Variants in DGKB observed in about 807,000 individuals in gnomAD.
The protein encoded by DGKB is 90 kDa diacylglycerol kinase.
A neutral mutation model predicts 114.3 loss-of-function variants in DGKB; 67 were observed. That is an observed-to-expected ratio of 0.59 (90% CI 0.48 to 0.72). The LOEUF (loss-of-function observed/expected upper bound fraction) is 0.72, where lower values mean the gene tolerates loss of function less well. DGKB is among the 30% of genes least tolerant of loss of function. DGKB has a pLI of 0.00. For synonymous variants in DGKB, 398 were observed against 323.1 expected, an observed-to-expected ratio of 1.23 and a Z score of -2.49; for missense variants, 907 against 975.2, an observed-to-expected ratio of 0.93 and a Z score of 0.93.
chr7:14,359,874 A>T (rs1815355132), intron 21 of DGKB, among the ~76,000 whole-genome samples: 1 of 152,174 alleles, frequency 6.6e-6, no homozygotes, highest in African/African-American at 2.4e-5. Context: ...TGGGAGTGTA[A>T]ATTAGTTCAA....
chr7:14,676,388 A>G (rs975850868), intron 12 of DGKB, among the ~76,000 whole-genome samples: 34 of 152,054 alleles, frequency 2.2e-4, no homozygotes, highest in African/African-American at 7.3e-4. Flanking sequence ...ACAGTCAGTA[A>G]TAATTTAATT....
intron 9 of DGKB, among the ~76,000 whole-genome samples, chr7:14,688,650 A>G (rs1194211603): frequency 6.6e-6 from 1 of 152,192 alleles, no homozygotes; most frequent in Non-Finnish European, 1.5e-5. Context: ...CGTGTTTATG[A>G]CAGATAAATG....
chr7:14,345,301 T>C lies in DGKB; in HGVS notation c.1926A>G (p.Glu642=). Residue 642 remains glutamate (E), a splice_region_variant and synonymous_variant, in exon 22 of 26, where the codon GAA becomes GAG. Coordinates refer to ENST00000402815, the MANE Select transcript of DGKB (RefSeq NM_001350709.2). ...AAAAGAGAATTCATTTTTTTCTTAC[T>C]TCTATTTCTACAGATTCATGTAGCT... ...CKKLHESVEI[E]CDGVQIDLIN... is the part of the protein sequence containing the mutation. The C allele has an allele frequency of 6.6e-7, 1 of 1,523,632 alleles. No homozygotes were observed. The highest frequency in any genetic ancestry group is 1.4e-5 in the African/African-American group (1 of 72,108). The allele number at this position is 1,523,632 out of a possible 1,614,324, so 94.4% of individuals were successfully genotyped here. A position where few individuals can be genotyped will look rare whatever the true frequency, so the allele number is the denominator to read the frequency against.
At chr7:14,465,323 C>T (rs1563242720) in intron 21 of DGKB, among the ~76,000 whole-genome samples, 1 of 151,332 alleles carries the variant, frequency 6.6e-6, no homozygotes, top group Admixed American at 6.6e-5. Flanking sequence ...TACAAAATAA[C>T]GAAAAGAAAA....
At chr7:14,754,903 C>T (rs1463311478) in intron 3 of DGKB, among the ~76,000 whole-genome samples, 1 of 152,140 alleles carries the variant, frequency 6.6e-6, no homozygotes, top group African/African-American at 2.4e-5. Context: ...AGAGGATGTT[C>T]CTCTCCCCTA....
At chr7:14,791,266 G>A (rs1220325840) in intron 2 of DGKB, among the ~76,000 whole-genome samples, 2 of 152,122 alleles carry the variant, frequency 1.3e-5, no homozygotes, top group East Asian at 1.9e-4. Flanking sequence ...GCTTTGGGAT[G>A]TTTATCTTCT....
At chr7:14,320,615 C>T (rs1445353375) in intron 23 of DGKB, among the ~76,000 whole-genome samples, 5 of 149,960 alleles carry the variant, frequency 3.3e-5, no homozygotes, top group Non-Finnish European at 5.9e-5. Context: ...ATATGTGGTA[C>T]ATATATATAT....
At chr7:14,213,542 G>A (rs748233026) in intron 23 of DGKB, among the ~76,000 whole-genome samples, 1 of 152,128 alleles carries the variant, frequency 6.6e-6, no homozygotes, top group Non-Finnish European at 1.5e-5. Flanking sequence ...GGAGCAAGGG[G>A]AAGGTATGCT....
chr7:14,382,262 CT>C (rs1438315578), intron 21 of DGKB, among the ~76,000 whole-genome samples: 9 of 151,656 alleles, frequency 5.9e-5, no homozygotes, highest in Admixed American at 1.3e-4. Flanking sequence ...GAGCCCAGCC[CT>C]TGTGCACAGA....
chr7:14,922,328 A>G (rs1295052207), intron 1 of DGKB, among the ~76,000 whole-genome samples: 1 of 151,822 alleles, frequency 6.6e-6, no homozygotes, highest in Non-Finnish European at 1.5e-5. Context: ...CTAGTATAAC[A>G]TGAAGACTAT....
At chr7:14,948,417 A>C (rs1785998902) in intron 1 of DGKB, among the ~76,000 whole-genome samples, 1 of 151,782 alleles carries the variant, frequency 6.6e-6, no homozygotes, top group African/African-American at 2.4e-5. Context: ...AATGTTAAGG[A>C]AATTTCTGAA....
intron 1 of DGKB, among the ~76,000 whole-genome samples, chr7:14,853,719 T>A (rs1849709194): frequency 6.6e-6 from 1 of 151,218 alleles, no homozygotes. Flanking sequence ...CAACAAAAAA[T>A]TAGCCGGGAG....
chr7:14,964,011 G>A (rs1378379528), intron 1 of DGKB, among the ~76,000 whole-genome samples: 1 of 152,028 alleles, frequency 6.6e-6, no homozygotes, highest in Non-Finnish European at 1.5e-5. Flanking sequence ...AGAAAAATTT[G>A]CAGTGGGAAA....
chr7:14,847,134 C>CAA (rs1164672694), intron 1 of DGKB, among the ~76,000 whole-genome samples: 2 of 151,764 alleles, frequency 1.3e-5, no homozygotes, highest in African/African-American at 4.8e-5. Context: ...ACTAAAAATA[C>CAA]AAAAAAATTA....
chr7:14,606,672 C>T (rs546627556), intron 17 of DGKB, among the ~76,000 whole-genome samples: 12 of 151,638 alleles, frequency 7.9e-5, no homozygotes, highest in African/African-American at 2.9e-4. Flanking sequence ...TGTTTACCCT[C>T]ATGTTGACAG....
intron 17 of DGKB, among the ~76,000 whole-genome samples, chr7:14,601,096 C>T (rs750780476): frequency 2.0e-5 from 3 of 152,222 alleles, no homozygotes; most frequent in Non-Finnish European, 4.4e-5. Flanking sequence ...ACAGCTTTTG[C>T]ACTCTGTGCC....
At chr7:14,466,645 CA>C (rs57888491) in intron 21 of DGKB, among the ~76,000 whole-genome samples, 22,410 of 138,356 alleles carry the variant, frequency 0.16, 2,371 homozygotes, top group African/African-American at 0.3. Context: ...ATGAATAAAC[CA>C]AAAAAAAAAA....
At chr7:14,226,012 A>G (rs1261039196) in intron 23 of DGKB, among the ~76,000 whole-genome samples, 1 of 151,962 alleles carries the variant, frequency 6.6e-6, no homozygotes, top group Non-Finnish European at 1.5e-5. Context: ...CTAGTTTCCA[A>G]ACTAGTTAGT....
chr7:14,454,263 G>T (rs1831953521), intron 21 of DGKB, among the ~76,000 whole-genome samples: 2 of 151,822 alleles, frequency 1.3e-5, no homozygotes, highest in South Asian at 4.2e-4. Flanking sequence ...GTATATTTTT[G>T]TACCCATTGA....
Sources: gnomAD v4.1 joint callset for allele counts (sites outside exome capture counted in the v4.1 genomes callset) on GRCh38, gnomAD v4.1.1 for gene constraint, MANE v1.5 for transcripts, NCBI Gene and HGNC (gene_info 2026-07-23, HGNC 2026-07-21) for gene names.